Variants in JAKMIP2 observed in about 807,000 individuals in gnomAD.
JAKMIP2 encodes janus kinase and microtubule-interacting protein 2.
In JAKMIP2, 25 loss-of-function variants were observed where a neutral mutation model predicts 115.0. That is an observed-to-expected ratio of 0.22 (90% confidence interval 0.16 to 0.30). The LOEUF (loss-of-function observed/expected upper bound fraction) is 0.30, where lower values mean the gene tolerates loss of function less well. Among genes scored for constraint, JAKMIP2 ranks in the 10% least tolerant of loss-of-function variants. The pLI, the probability that JAKMIP2 is intolerant of heterozygous loss-of-function variation, is 1.00. For synonymous variants in JAKMIP2, 334 were observed against 343.6 expected (o/e 0.97, Z 0.31); for missense variants, 642 against 957.6 (o/e 0.67, Z 4.35).
chr5:147,652,107 G>A (rs902729529), intron 3 of JAKMIP2, among the ~76,000 whole-genome samples: 1 of 152,010 alleles, frequency 6.6e-6, no homozygotes, highest in Admixed American at 6.6e-5. Flanking sequence ...TATATTCAGG[G>A]TACTATACTC....
chr5:147,742,139 T>TTATATATATATATATATATATATATATA (rs67628816), intron 1 of JAKMIP2, among the ~76,000 whole-genome samples: 1 of 98,232 alleles, frequency 1.0e-5, no homozygotes, highest in South Asian at 3.7e-4. Flanking sequence ...CTGTGGATCA[T>TTATATATATATATATATATATATATATA]TATATATATA....
At chr5:147,594,367 C>G (rs1260634246) in intron 21 of JAKMIP2, 1 of 423,344 alleles carries the variant, frequency 2.4e-6, no homozygotes. Context: ...CAGGGTCTTG[C>G]TTTGTTGCTC....
At chr5:147,644,262 A>G (rs1758020098) in intron 6 of JAKMIP2, 64 bp from the exon 7 acceptor site, 1 of 1,423,390 alleles carries the variant, frequency 7.0e-7, no homozygotes, top group South Asian at 1.6e-5. Context: ...GGTTGTTAAC[A>G]TAAAATATCT....
rs1225039067 is a variant in JAKMIP2, at chr5:147,674,580, G to T, written c.-148-2626C>A. ...AGGGAGTTTGGAGTGGATTTTACAG[G>T]CATGAGGAAACATGGCAGCATTTGA... On this transcript the variant is annotated intron_variant, in intron 1 of 21. Transcript: ENST00000616793. Among the ~76,000 whole-genome samples, 4 of 152,164 alleles carry T rather than the reference G, an allele frequency of 2.6e-5. No individual in the cohort carries two copies. The East Asian group carries it at 7.7e-4, about 29-fold the overall frequency.
chr5:147,610,524 CA>C lies in JAKMIP2; in HGVS notation c.2412+1781del, dbSNP rs369782431. On this transcript the variant is annotated intron_variant, in intron 20 of 21. Transcript: ENST00000616793. ...ATCACCAGCAGAGGCTGCAGAATAGCAAAGATTGCTGCCTGCTCCTTCCTAT... is the reference window on the plus strand; with the variant it reads ...ATCACCAGCAGAGGCTGCAGAATAGCAAGATTGCTGCCTGCTCCTTCCTAT... Among the ~76,000 whole-genome samples, 42 of 152,316 alleles carry C rather than the reference CA, an allele frequency of 2.8e-4. 1 individual carries two copies. In the East Asian group the frequency reaches 7.7e-3, roughly 28 times the overall value.
At chr5:147,701,534 T>C (rs969483916) in intron 1 of JAKMIP2, among the ~76,000 whole-genome samples, 2 of 152,182 alleles carry the variant, frequency 1.3e-5, no homozygotes, top group African/African-American at 4.8e-5. Flanking sequence ...TCATCAATCT[T>C]TGATCATTGG....
chr5:147,773,533 C>A (rs1008594317), intron 1 of JAKMIP2, among the ~76,000 whole-genome samples: 5 of 152,096 alleles, frequency 3.3e-5, no homozygotes, highest in African/African-American at 1.2e-4. Context: ...TGTCTCTTTA[C>A]TACATTTCAG....
rs1174257949 is a variant in JAKMIP2 at position 147,589,071 on chromosome 5, T to G, written c.*2636A>C. On this transcript the variant is annotated 3_prime_UTR_variant, in exon 22 of 22. Transcript: ENST00000616793. ...TTGGCTAGTGTTGGGTCACCAACAC[T>G]GTAGAGGCACCCTCTTTCACATTTC... The G allele has an allele frequency of 6.6e-6, 1 of 152,092 alleles. No individual in the cohort carries two copies. The highest frequency in any genetic ancestry group is 1.5e-5 in the Non-Finnish European group (1 of 68,030). The allele number at this position is 152,092 out of a possible 1,614,324, so 9.4% of individuals were successfully genotyped here. A position where few individuals can be genotyped will look rare whatever the true frequency, so the allele number is the denominator to read the frequency against.
intron 1 of JAKMIP2, among the ~76,000 whole-genome samples, chr5:147,769,741 C>T (rs1432671924): frequency 1.3e-5 from 2 of 148,826 alleles, no homozygotes; most frequent in African/African-American, 5.0e-5. Context: ...GTGTAGAGCG[C>T]CTGGATCCTA....
chr5:147,593,427 A>G (rs567393459), intron 21 of JAKMIP2, among the ~76,000 whole-genome samples: 1 of 152,338 alleles, frequency 6.6e-6, no homozygotes, highest in African/African-American at 2.4e-5. Context: ...TCACTGTCAA[A>G]GGAGCTGAGA....
At chr5:147,735,413 C>G (rs1753883460) in intron 1 of JAKMIP2, among the ~76,000 whole-genome samples, 1 of 152,106 alleles carries the variant, frequency 6.6e-6, no homozygotes, top group African/African-American at 2.4e-5. Flanking sequence ...AGAGGCCTCA[C>G]AATCAAGGTG....
chr5:147,693,844 G>T (rs948445588), intron 1 of JAKMIP2, among the ~76,000 whole-genome samples: 1 of 152,020 alleles, frequency 6.6e-6, no homozygotes, highest in Non-Finnish European at 1.5e-5. Context: ...ATTAATTTGG[G>T]GGTTATACTT....
chr5:147,597,824 T>A (rs1193456781), intron 21 of JAKMIP2, among the ~76,000 whole-genome samples: 2 of 152,018 alleles, frequency 1.3e-5, no homozygotes, highest in East Asian at 1.9e-4. Context: ...GTGTTGGGAG[T>A]TGGAACCTGA....
intron 1 of JAKMIP2, among the ~76,000 whole-genome samples, chr5:147,759,412 G>C (rs935676153): frequency 2.0e-5 from 3 of 152,092 alleles, no homozygotes; most frequent in Non-Finnish European, 2.9e-5. Context: ...TGTGAACTCT[G>C]ATCTAGAGCA....
intron 1 of JAKMIP2, among the ~76,000 whole-genome samples, chr5:147,695,978 G>A (rs1317244831): frequency 1.3e-5 from 2 of 152,028 alleles, no homozygotes; most frequent in African/African-American, 4.8e-5. Flanking sequence ...CACTTTAAAG[G>A]AGAGACAAAA....
At chr5:147,736,474 A>C (rs1428303915) in intron 1 of JAKMIP2, among the ~76,000 whole-genome samples, 4 of 152,122 alleles carry the variant, frequency 2.6e-5, no homozygotes, top group Non-Finnish European at 4.4e-5. Flanking sequence ...TAAATAATTA[A>C]AAATTAAAAA....
At chr5:147,713,713 T>C (rs1446267732) in intron 1 of JAKMIP2, among the ~76,000 whole-genome samples, 1 of 152,172 alleles carries the variant, frequency 6.6e-6, no homozygotes, top group Non-Finnish European at 1.5e-5. Flanking sequence ...GGACTTTTGC[T>C]CTGGTGATAT....
chr5:147,620,241 G>A (rs1243952292), intron 18 of JAKMIP2, among the ~76,000 whole-genome samples: 1 of 152,060 alleles, frequency 6.6e-6, no homozygotes, highest in Non-Finnish European at 1.5e-5. Context: ...ACTACAAAGT[G>A]CATGTCACCA....
At chr5:147,722,606 G>A (rs1302236213) in intron 1 of JAKMIP2, among the ~76,000 whole-genome samples, 1 of 152,172 alleles carries the variant, frequency 6.6e-6, no homozygotes, top group Non-Finnish European at 1.5e-5. Flanking sequence ...CCCCAGCCAA[G>A]TGTAGCTAAC....
Sources: allele counts gnomAD v4.1 joint callset (sites outside exome capture counted in the v4.1 genomes callset), GRCh38; gene constraint gnomAD v4.1.1; transcripts MANE v1.5; gene names NCBI Gene and HGNC (gene_info 2026-07-23, HGNC 2026-07-21).